Variants in WDR24 observed in about 807,000 individuals in gnomAD.
The protein encoded by WDR24 is GATOR2 complex protein WDR24.
Under a neutral mutation model 66.7 loss-of-function variants are expected in WDR24, and 32 were observed. The ratio of observed to expected loss-of-function variants is 0.48; its 90% CI spans 0.36 to 0.64. The LOEUF is 0.64. Ranked by LOEUF, WDR24 falls within the 30% of genes least tolerant of loss-of-function variation. The probability of loss-of-function intolerance (pLI) is 0.00; values close to 1 mark genes in which losing one functional copy is unlikely to be tolerated. For missense variants in WDR24, 978 were observed against 1,144.1 expected, an observed-to-expected ratio of 0.85 and a Z score of 2.09; for synonymous variants, 565 against 469.1, an observed-to-expected ratio of 1.20 and a Z score of -2.64.
chr16:684,820 C>A lies in WDR24; in HGVS notation c.2287G>T (p.Gly763Cys). Residue 763 changes from glycine to cysteine, a missense_variant, in exon 9 of 9, where the codon GGC becomes TGC. Gly to Cys is a radical substitution (Grantham distance 159). Around this residue, in one of 2 missense-constraint regions of WDR24, gnomAD observed 676 missense variants for 617.5 expected, o/e 1.09. Coordinates refer to ENST00000293883, the MANE Select transcript of WDR24 (RefSeq NM_032259.4). ...LFVWCQGCSH[G>C]GHLQHIMKWL... The stretch of plus-strand genomic sequence containing the variant: ...TTCATGATGTGCTGCAGGTGGCCGC[C>A]GTGGCTGCAGCCCTGGCACCACACG... 1 of 1,545,484 alleles carries A rather than the reference C, an allele frequency of 6.5e-7. No homozygotes were observed. Among genetic ancestry groups the A allele is most frequent in the East Asian group, 2.5e-5 (1 of 39,404 alleles).
intron 3 of WDR24, 151 bp from the exon 4 acceptor site, chr16:686,337 A>C: frequency 5.4e-6 from 5 of 922,296 alleles, no homozygotes; most frequent in Non-Finnish European, 8.0e-6. Flanking sequence ...GCTGAGGCTC[A>C]TGGGAAAGAC....
chr16:686,329 T>C, intron 3 of WDR24, 143 bp from the exon 4 acceptor site: 1 of 963,020 alleles, frequency 1.0e-6, no homozygotes, highest in South Asian at 1.7e-5. Context: ...GTAGGAAAGC[T>C]GAGGCTCATG....
rs966980616 is a variant in WDR24 at position 684,909 on chromosome 16, G to A, written c.2205-7C>T. 5 of 1,538,244 alleles carry A rather than the reference G, an allele frequency of 3.3e-6. No homozygotes were observed. The highest frequency in any genetic ancestry group is 4.4e-6 in the Non-Finnish European group (5 of 1,143,214). Reference sequence around the variant, plus strand: ...GCTGGCGCAGCGGTGGCACCTGGGGGCGGGCGGGAGGGAGGGTGCCTCAGC... The same window carrying A: ...GCTGGCGCAGCGGTGGCACCTGGGGACGGGCGGGAGGGAGGGTGCCTCAGC... On this transcript the variant is annotated splice_region_variant and splice_polypyrimidine_tract_variant and intron_variant, in intron 8 of 8. Coordinates refer to ENST00000293883, the MANE Select transcript of WDR24 (RefSeq NM_032259.4).
chr16:686,599 C>T (rs2151516126), intron 3 of WDR24, 145 bp downstream of exon 3: 2 of 1,114,386 alleles, frequency 1.8e-6, no homozygotes, highest in East Asian at 2.4e-5. Context: ...GATCCTGACA[C>T]CCTCAGCTAC....
chr16:690,054 T>A lies in WDR24; in HGVS notation c.-414A>T. ...CAGGGGAGCGAGGAGACTCCCGCCG[T>A]CCACACTGTCAGCCCTGAGGGCGGC... On this transcript the variant is annotated 5_prime_UTR_variant, in exon 1 of 9. Coordinates refer to ENST00000293883, the MANE Select transcript of WDR24 (RefSeq NM_032259.4). 1 of 471,698 alleles carries A rather than the reference T, an allele frequency of 2.1e-6. No individual in the cohort carries two copies. Among genetic ancestry groups the A allele is most frequent in the Non-Finnish European group, 4.2e-6 (1 of 237,544 alleles). 29.2% of individuals were successfully genotyped at this position (471,698 alleles called of 1,614,324 possible). A position where few individuals can be genotyped will look rare whatever the true frequency, so the allele number is the denominator to read the frequency against.
rs1476258980 is a variant in WDR24 at position 689,657 on chromosome 16, AGGTCAGG to A, written c.-24_-18del. On this transcript the variant is annotated 5_prime_UTR_variant, in exon 1 of 9. Transcript: ENST00000293883. ...CTTCTCCATGGCTGCACAGGTGATGAGGTCAGGGGTCAGGAGGTCAGTGAGGTGGGCT... is the reference window on the plus strand; with the variant it reads ...CTTCTCCATGGCTGCACAGGTGATGAGGTCAGGAGGTCAGTGAGGTGGGCT... 1 of 1,608,070 alleles carries A rather than the reference AGGTCAGG, an allele frequency of 6.2e-7. No individual in the cohort carries two copies. The highest frequency in any genetic ancestry group is 8.5e-7 in the Non-Finnish European group (1 of 1,176,476).
At position 689,705 on chromosome 16, in the gene WDR24, G is replaced by A; in HGVS notation, c.-65C>T. 1 of 1,572,488 alleles carries A rather than the reference G, an allele frequency of 6.4e-7. No homozygotes were observed. Among genetic ancestry groups the A allele is most frequent in the Non-Finnish European group, 8.6e-7 (1 of 1,160,038 alleles). ...GAGGTGGGCTGGCCTGGTCAGCCTG[G>A]GTGGGTCATCAGTTCAGACCTTCCA... On this transcript the variant is annotated 5_prime_UTR_variant, in exon 1 of 9. Coordinates refer to ENST00000293883, the MANE Select transcript of WDR24 (RefSeq NM_032259.4).
In WDR24 at chr16:690,226, G is replaced by A. The variant is rs990876479; in HGVS notation, c.-586C>T. The A allele has an allele frequency of 5.1e-6, 2 of 394,380 alleles. No individual in the cohort carries two copies. The highest frequency in any genetic ancestry group is 1.0e-5 in the Non-Finnish European group (2 of 197,838). 24.4% of individuals were successfully genotyped at this position (394,380 alleles called of 1,614,324 possible). A position where few individuals can be genotyped will look rare whatever the true frequency, so the allele number is the denominator to read the frequency against. ...GAGGTGTCTGGCGGGACCGGAGGCA[G>A]GAGAGAAGCCGGCGACCCCGGAGTA... On this transcript the variant is annotated 5_prime_UTR_variant, in exon 1 of 9. Coordinates refer to ENST00000293883, the MANE Select transcript of WDR24 (RefSeq NM_032259.4).
chr16:687,016 C>A lies in WDR24; in HGVS notation c.1060G>T (p.Ala354Ser). ...GCAGCCACGAGGCTCTCCTTGGCGG[C>A]GAAGGCCAGGTCCCCGAAGAGGCCG... ...CYGLFGDLAF[A>S]AKESLVAAES... Residue 354 changes from alanine (A) to serine (S), a missense_variant, in exon 3 of 9, where the codon GCC becomes TCC. This residue lies in a region of WDR24 where 302 missense variants were observed against 526.6 expected (regional missense o/e 0.57). Coordinates refer to ENST00000293883, the MANE Select transcript of WDR24 (RefSeq NM_032259.4). 1 of 1,601,942 alleles carries A rather than the reference C, an allele frequency of 6.2e-7. No homozygotes were observed. The highest frequency in any genetic ancestry group is 8.5e-7 in the Non-Finnish European group (1 of 1,178,412).
chr16:687,208 C>T lies in WDR24; in HGVS notation c.868G>A (p.Ala290Thr), dbSNP rs1321167342. ...TCTCGGTGTTCCTCAAACATGGCAG[C>T]TGGCACGAAGGGCCGGCGCACGTCC... Reference protein sequence around the residue: ...VWDVRRPFVPAAMFEEHRDVT... With the variant: ...VWDVRRPFVPTAMFEEHRDVT... Residue 290 changes from alanine to threonine, a missense_variant, in exon 3 of 9, where the codon GCT (alanine) becomes ACT (threonine). This residue lies in a region of WDR24 where 302 missense variants were observed against 526.6 expected (regional missense o/e 0.57). Transcript: ENST00000293883. The T allele has an allele frequency of 1.2e-6, 2 of 1,612,492 alleles. No homozygotes were observed. Among genetic ancestry groups the T allele is most frequent in the South Asian group, 1.1e-5 (1 of 91,090 alleles).
intron 1 of WDR24, among the ~76,000 whole-genome samples, chr16:688,351 G>A (rs555388969): frequency 3.3e-5 from 5 of 152,306 alleles, no homozygotes; most frequent in East Asian, 3.9e-4. Context: ...CAAGTGGCAC[G>A]ATCTGGGCTC....
Position 689,737 on chromosome 16 carries a change from T to G in WDR24, c.-97A>C. On this transcript the variant is annotated 5_prime_UTR_variant, in exon 1 of 9. Transcript: ENST00000293883. Reference sequence around the variant, plus strand: ...CATCAGTTCAGACCTTCCACCCAGGTTGGGACCCCAGAACTGCTTGGTCCC... The same window carrying G: ...CATCAGTTCAGACCTTCCACCCAGGGTGGGACCCCAGAACTGCTTGGTCCC... 4.6e-6 allele frequency: 7 copies of G among 1,514,350 alleles called. No homozygotes were observed. The highest frequency in any genetic ancestry group is 6.2e-6 in the Non-Finnish European group (7 of 1,131,264). 93.8% of individuals were successfully genotyped at this position (1,514,350 alleles called of 1,614,324 possible). A position where few individuals can be genotyped will look rare whatever the true frequency, so the allele number is the denominator to read the frequency against.
Position 687,033 on chromosome 16 carries a change from A to T in WDR24, c.1043T>A (p.Phe348Tyr). Residue 348 changes from phenylalanine (F) to tyrosine (Y), a missense_variant, in exon 3 of 9, where the codon TTC (phenylalanine) becomes TAC (tyrosine). Physicochemically the swap from Phe to Tyr is conservative, Grantham distance 22 (BLOSUM62 3). Around this residue, in one of 2 missense-constraint regions of WDR24, gnomAD observed 302 missense variants for 526.6 expected, o/e 0.57. Transcript: ENST00000293883. The part of the protein sequence containing the change: ...ANPEGLCYGL[F>Y]GDLAFAAKES... ...CTTGGCGGCGAAGGCCAGGTCCCCG[A>T]AGAGGCCGTAGCAGAGGCCCTCAGG... The T allele has an allele frequency of 6.2e-7, 1 of 1,603,268 alleles. No homozygotes were observed. Among genetic ancestry groups the T allele is most frequent in the Non-Finnish European group, 8.5e-7 (1 of 1,178,870 alleles).
intron 1 of WDR24, chr16:688,062 A>C (rs2151516936): frequency 1.9e-6 from 1 of 518,646 alleles, no homozygotes; most frequent in Non-Finnish European, 3.7e-6. Flanking sequence ...GGAGAATAGG[A>C]ACGCACCCAG....
In WDR24 at chr16:687,259, T is replaced by C; in HGVS notation, c.817A>G (p.Met273Val). ...CAAACATAGATGTTGTGGTCCACCA[T>C]CATGGAGCACGTGGCCAGGTGGTGG... The part of the protein sequence containing the change: ...CRHHLATCSM[M>V]VDHNIYVWDV... Residue 273 changes from methionine to valine, a missense_variant, in exon 3 of 9, where the codon ATG becomes GTG. Transcript: ENST00000293883. 6.2e-7 allele frequency: 1 copy of C among 1,612,186 alleles called. No homozygotes were observed. The highest frequency in any genetic ancestry group is 1.1e-5 in the South Asian group (1 of 91,084).
intron 1 of WDR24, chr16:687,983 A>G (rs1464530099): frequency 1.5e-6 from 1 of 666,010 alleles, no homozygotes; most frequent in East Asian, 2.9e-5. Context: ...TTTGCCGTAG[A>G]TTCTGCATCC....
chr16:686,705 G>A (rs2039911444), intron 3 of WDR24, 39 bp downstream of exon 3: 2 of 1,551,384 alleles, frequency 1.3e-6, no homozygotes, highest in African/African-American at 1.4e-5. Context: ...CTGCCCTGAG[G>A]TCGTGGCCCA....
intron 3 of WDR24, 122 bp downstream of exon 3, chr16:686,622 T>C (rs1372952685): frequency 3.2e-6 from 4 of 1,265,402 alleles, no homozygotes; most frequent in African/African-American, 1.5e-5. Flanking sequence ...AGGCAAGGCC[T>C]GTTGGTGCGA....
At chr16:685,655 C>T in intron 6 of WDR24, 24 bp downstream of exon 6, 1 of 1,612,462 alleles carries the variant, frequency 6.2e-7, no homozygotes, top group African/African-American at 1.3e-5. Flanking sequence ...CTCTGAACCC[C>T]ACCCTGCCCG....
Sources: allele counts gnomAD v4.1 joint callset (sites outside exome capture counted in the v4.1 genomes callset), GRCh38; gene constraint gnomAD v4.1.1; regional missense constraint gnomAD v4.1.1; transcripts MANE v1.5; gene names NCBI Gene and HGNC (gene_info 2026-07-23, HGNC 2026-07-21).